MSI2: variants seen among roughly 807,000 people sequenced by gnomAD.
MSI2 encodes RNA-binding protein Musashi homolog 2.
In MSI2, 17 loss-of-function variants were observed where a neutral mutation model predicts 45.6. The ratio of observed to expected loss-of-function variants is 0.37; its 90% CI spans 0.26 to 0.56. The LOEUF is 0.56. MSI2 is among the 20% of genes least tolerant of loss of function. The pLI is 0.77. For missense variants in MSI2, 293 were observed against 444.2 expected, an observed-to-expected ratio of 0.66 and a Z score of 3.06; for synonymous variants, 156 against 158.2, an observed-to-expected ratio of 0.99 and a Z score of 0.11.
chr17:57,487,893 A>G (rs970357700), intron 6 of MSI2, among the ~76,000 whole-genome samples: 2 of 151,200 alleles, frequency 1.3e-5, no homozygotes, highest in South Asian at 2.1e-4. Flanking sequence ...CTCTATTCTC[A>G]TAGTACTTGG....
In MSI2 at chr17:57,273,539, G is replaced by GT. The variant is rs1216032662; in HGVS notation, c.312+11347_312+11348insT. 3.0e-5 allele frequency among the ~76,000 whole-genome samples: 4 copies of GT among 134,264 alleles called. No individual in the cohort carries two copies. The South Asian group carries it at 8.1e-4, about 27-fold the overall frequency. 88.1% of individuals were successfully genotyped at this position (134,264 alleles called of 152,430 possible). On this transcript the variant is annotated intron_variant, in intron 5 of 13. Coordinates refer to ENST00000284073, the MANE Select transcript of MSI2 (RefSeq NM_138962.4). ...CTGACATAGTGGGGATGTGGGTGGG[G>GT]GGGGGGACCTCATTATGAATTTTTC...
At chr17:57,408,229 A>G (rs958895786) in intron 6 of MSI2, among the ~76,000 whole-genome samples, 1 of 152,238 alleles carries the variant, frequency 6.6e-6, no homozygotes, top group African/African-American at 2.4e-5. Context: ...CTGGGTTTCT[A>G]GGAAAACTTC....
At chr17:57,476,046 C>T (rs922910005) in intron 6 of MSI2, among the ~76,000 whole-genome samples, 4 of 152,186 alleles carry the variant, frequency 2.6e-5, no homozygotes, top group African/African-American at 9.7e-5. Context: ...GTTGTCAGCG[C>T]TGCAGAATGG....
intron 5 of MSI2, among the ~76,000 whole-genome samples, chr17:57,378,057 A>T (rs1032857816): frequency 6.6e-6 from 1 of 150,778 alleles, no homozygotes; most frequent in Non-Finnish European, 1.5e-5. Context: ...CCTGGGTGAC[A>T]GAGCGAGACA....
chr17:57,559,342 C>G (rs1192201711), intron 7 of MSI2, among the ~76,000 whole-genome samples: 2 of 152,220 alleles, frequency 1.3e-5, no homozygotes, highest in Non-Finnish European at 2.9e-5. Context: ...TCAGCTCCCC[C>G]TCTCTCCTCT....
At chr17:57,463,505 G>A (rs1000844713) in intron 6 of MSI2, among the ~76,000 whole-genome samples, 2 of 151,988 alleles carry the variant, frequency 1.3e-5, no homozygotes, top group South Asian at 2.1e-4. Context: ...ACCCACTAAG[G>A]CTTTGCCCCG....
At chr17:57,270,524 T>C (rs1908262273) in intron 5 of MSI2, among the ~76,000 whole-genome samples, 1 of 152,230 alleles carries the variant, frequency 6.6e-6, no homozygotes, top group Non-Finnish European at 1.5e-5. Context: ...AGCTTCAGGT[T>C]AATTTTTGTT....
At chr17:57,474,742 A>G (rs1285554556) in intron 6 of MSI2, among the ~76,000 whole-genome samples, 1 of 150,590 alleles carries the variant, frequency 6.6e-6, no homozygotes, top group Non-Finnish European at 1.5e-5. Context: ...TTGTTTGGAG[A>G]CAGTCTTGCT....
At chr17:57,513,714 C>A (rs2086407877) in intron 6 of MSI2, among the ~76,000 whole-genome samples, 1 of 152,236 alleles carries the variant, frequency 6.6e-6, no homozygotes, top group South Asian at 2.1e-4. Context: ...CCCGGGCTCT[C>A]AAACCCTCTG....
chr17:57,495,976 G>A (rs2085971634), intron 6 of MSI2, among the ~76,000 whole-genome samples: 1 of 152,176 alleles, frequency 6.6e-6, no homozygotes, highest in Non-Finnish European at 1.5e-5. Flanking sequence ...ATGGCTCAGG[G>A]AGCATTTTTT....
rs181502723 is a variant in MSI2 at position 57,541,833 on chromosome 17, T to G, written c.454+12109T>G. Among the ~76,000 whole-genome samples the G allele has an allele frequency of 4.4e-3, 666 of 152,304 alleles. 6 individuals carry two copies. Among genetic ancestry groups the G allele is most frequent in the Middle Eastern group, 0.01 (3 of 294 alleles). ...GCACTCCTTACGCATTTGAAATTTC[T>G]CCCTCAACTTGCCACCCATCTTGGT... On this transcript the variant is annotated intron_variant, in intron 7 of 13. Coordinates refer to ENST00000284073, the MANE Select transcript of MSI2 (RefSeq NM_138962.4).
At chr17:57,331,930 C>T (rs1456690691) in intron 5 of MSI2, among the ~76,000 whole-genome samples, 2 of 152,082 alleles carry the variant, frequency 1.3e-5, no homozygotes, top group Non-Finnish European at 2.9e-5. Context: ...TCTTTAAAAT[C>T]GTACTCAAAA....
At chr17:57,403,799 G>C (rs1407168208) in intron 6 of MSI2, among the ~76,000 whole-genome samples, 2 of 152,170 alleles carry the variant, frequency 1.3e-5, no homozygotes, top group Non-Finnish European at 2.9e-5. Context: ...AAGTCAGGGA[G>C]ACTCTGCTGC....
At chr17:57,375,845 G>C (rs934095697) in intron 5 of MSI2, among the ~76,000 whole-genome samples, 2 of 152,226 alleles carry the variant, frequency 1.3e-5, no homozygotes, top group Non-Finnish European at 1.5e-5. Flanking sequence ...TTTCATTCGC[G>C]TTGCCCTTAC....
chr17:57,622,684 C>G (rs948466958), intron 9 of MSI2, among the ~76,000 whole-genome samples: 1 of 152,090 alleles, frequency 6.6e-6, no homozygotes, highest in African/African-American at 2.4e-5. Flanking sequence ...AGAACAGGCA[C>G]TAGGAAGCTG....
chr17:57,437,626 A>T (rs541623643), intron 6 of MSI2, among the ~76,000 whole-genome samples: 1 of 152,212 alleles, frequency 6.6e-6, no homozygotes, highest in Admixed American at 6.5e-5. Flanking sequence ...TTTCTTCCGT[A>T]TGGGACAGGG....
At chr17:57,599,307 G>A (rs1227803911) in intron 8 of MSI2, among the ~76,000 whole-genome samples, 1 of 152,210 alleles carries the variant, frequency 6.6e-6, no homozygotes, top group Non-Finnish European at 1.5e-5. Context: ...ATAGGTCCCA[G>A]GCTATCCAGA....
intron 7 of MSI2, among the ~76,000 whole-genome samples, chr17:57,578,735 T>C (rs2088119401): frequency 6.6e-6 from 1 of 152,182 alleles, no homozygotes; most frequent in Admixed American, 6.5e-5. Flanking sequence ...GTTGCCTTGC[T>C]ACTTGGCGCA....
intron 11 of MSI2, among the ~76,000 whole-genome samples, chr17:57,667,654 T>C (rs1912467446): frequency 6.6e-6 from 1 of 151,946 alleles, no homozygotes; most frequent in African/African-American, 2.4e-5. Flanking sequence ...TTGAGAGAAA[T>C]GAGAACTGAC....
Sources: allele counts gnomAD v4.1 joint callset (sites outside exome capture counted in the v4.1 genomes callset), GRCh38; gene constraint gnomAD v4.1.1; transcripts MANE v1.5; gene names NCBI Gene and HGNC (gene_info 2026-07-23, HGNC 2026-07-21).